The following ARHGAP15 variants were observed in gnomAD, a reference collection of about 807,000 sequenced individuals.
ARHGAP15 encodes the protein Rho GTPase activating protein 15.
Under a neutral mutation model 63.7 loss-of-function variants are expected in ARHGAP15, and 51 were observed. That is an observed-to-expected ratio of 0.80 (90% CI 0.64 to 1.01). The LOEUF is 1.01. Among genes scored for constraint, ARHGAP15 ranks in the 50% least tolerant of loss-of-function variants. ARHGAP15 has a pLI of 0.00. For synonymous variants in ARHGAP15, 191 were observed against 193.8 expected (o/e 0.99, Z 0.12); for missense variants, 560 against 564.6 (o/e 0.99, Z 0.08).
At chr2:143,154,273 A>G (rs894030467) in intron 1 of ARHGAP15, among the ~76,000 whole-genome samples, 1 of 151,852 alleles carries the variant, frequency 6.6e-6, no homozygotes, top group Admixed American at 6.6e-5. Flanking sequence ...CTAATTTGTC[A>G]TTTAATTGCC....
intron 6 of ARHGAP15, among the ~76,000 whole-genome samples, chr2:143,395,260 A>C (rs1687709180): frequency 6.6e-6 from 1 of 152,096 alleles, no homozygotes; most frequent in South Asian, 2.1e-4. Context: ...AATTGAGTAG[A>C]TATTCAACAA....
intron 5 of ARHGAP15, among the ~76,000 whole-genome samples, chr2:143,245,751 G>T (rs1694025824): frequency 1.3e-5 from 2 of 152,168 alleles, no homozygotes; most frequent in Non-Finnish European, 2.9e-5. Flanking sequence ...GACAAGACTG[G>T]ATGAAATTAG....
chr2:143,374,223 C>T (rs1332648266), intron 6 of ARHGAP15, among the ~76,000 whole-genome samples: 3 of 152,014 alleles, frequency 2.0e-5, no homozygotes, highest in Admixed American at 6.6e-5. Context: ...TTATTCAGTT[C>T]CTAGTTTTAA....
chr2:143,738,102 A>T (rs1350383061), intron 13 of ARHGAP15, among the ~76,000 whole-genome samples: 2 of 150,748 alleles, frequency 1.3e-5, no homozygotes, highest in African/African-American at 5.0e-5. Context: ...GCATATATAT[A>T]TTTTTTAACT....
intron 1 of ARHGAP15, among the ~76,000 whole-genome samples, chr2:143,136,031 AT>A (rs1689120239): frequency 6.6e-6 from 1 of 152,002 alleles, no homozygotes. Flanking sequence ...CTCAAAGCAA[AT>A]CTCCTAATTA....
intron 6 of ARHGAP15, among the ~76,000 whole-genome samples, chr2:143,410,665 TG>T (rs149676369): frequency 0.03 from 4,523 of 152,034 alleles, 229 homozygotes; most frequent in African/African-American, 0.1. Context: ...AGACTGGAAA[TG>T]GGCAGAAAAA....
intron 10 of ARHGAP15, among the ~76,000 whole-genome samples, chr2:143,534,780 G>T (rs536883760): frequency 6.6e-6 from 1 of 152,042 alleles, no homozygotes; most frequent in African/African-American, 2.4e-5. Flanking sequence ...CTACTTGAGA[G>T]CCTGAGGTGG....
intron 5 of ARHGAP15, among the ~76,000 whole-genome samples, chr2:143,242,565 A>C (rs35589335): frequency 6.6e-6 from 1 of 152,168 alleles, no homozygotes; most frequent in African/African-American, 2.4e-5. Context: ...CAAAAAGCAC[A>C]TAACATTCTA....
At chr2:143,415,409 A>G (rs1688632090) in intron 6 of ARHGAP15, among the ~76,000 whole-genome samples, 1 of 152,162 alleles carries the variant, frequency 6.6e-6, no homozygotes, top group Non-Finnish European at 1.5e-5. Flanking sequence ...CAAGGAGGGA[A>G]AATATAAGAC....
chr2:143,677,549 T>TATC (rs1188931311), intron 12 of ARHGAP15, among the ~76,000 whole-genome samples: 1 of 152,234 alleles, frequency 6.6e-6, no homozygotes, highest in Non-Finnish European at 1.5e-5. Context: ...CTCTGCTCAC[T>TATC]ATCTCTGCCA....
chr2:143,635,194 CTTTTTTTTTTTTTTTTT>C (rs10558886), intron 12 of ARHGAP15, among the ~76,000 whole-genome samples: 3 of 26,888 alleles, frequency 1.1e-4, no homozygotes, highest in Non-Finnish European at 1.8e-4. Context: ...CTCTCAGGAG[CTTTTTTTTTTTTTTTTT>C]TTTTTTTTTT....
intron 6 of ARHGAP15, among the ~76,000 whole-genome samples, chr2:143,407,387 T>C (rs1454311886): frequency 6.6e-6 from 1 of 151,910 alleles, no homozygotes; most frequent in Non-Finnish European, 1.5e-5. Flanking sequence ...AGTCATCATT[T>C]CCTTTCCTAT....
At chr2:143,620,239 T>C (rs1226563270) in intron 11 of ARHGAP15, among the ~76,000 whole-genome samples, 1 of 152,196 alleles carries the variant, frequency 6.6e-6, no homozygotes, top group Non-Finnish European at 1.5e-5. Flanking sequence ...TACAATGAAT[T>C]AGTGGTAAAT....
chr2:143,648,545 G>A (rs1401059877), intron 12 of ARHGAP15, among the ~76,000 whole-genome samples: 1 of 151,960 alleles, frequency 6.6e-6, no homozygotes, highest in Non-Finnish European at 1.5e-5. Context: ...GACTGTTCAT[G>A]TCTACTAAAT....
At chr2:143,733,105 A>T (rs543240137) in intron 13 of ARHGAP15, among the ~76,000 whole-genome samples, 1 of 152,266 alleles carries the variant, frequency 6.6e-6, no homozygotes, top group South Asian at 2.1e-4. Flanking sequence ...AGGAGCAGTA[A>T]TGTTGAGGCA....
intron 6 of ARHGAP15, among the ~76,000 whole-genome samples, chr2:143,292,641 G>T (rs1303644253): frequency 6.6e-6 from 1 of 151,488 alleles, no homozygotes; most frequent in Non-Finnish European, 1.5e-5. Context: ...ATAATAGAAA[G>T]GTTGATTTTT....
At chr2:143,533,350 C>A (rs892581039) in intron 10 of ARHGAP15, 5 of 152,158 alleles carry the variant, frequency 3.3e-5, no homozygotes, top group Non-Finnish European at 7.3e-5. Context: ...AATACGGGAA[C>A]TGAAGGAGAA....
At chr2:143,446,135 AAATAT>A (rs1262266226) in intron 8 of ARHGAP15, among the ~76,000 whole-genome samples, 4 of 148,924 alleles carry the variant, frequency 2.7e-5, no homozygotes, top group Admixed American at 1.3e-4. Context: ...GTTTCCAGAT[AAATAT>A]AATATATATT....
intron 11 of ARHGAP15, among the ~76,000 whole-genome samples, chr2:143,620,418 C>A (rs773209867): frequency 6.6e-6 from 1 of 152,162 alleles, no homozygotes; most frequent in Non-Finnish European, 1.5e-5. Flanking sequence ...GTGCCTTCTA[C>A]AAGTCTGTAA....
Sources: gnomAD v4.1 joint callset for allele counts (sites outside exome capture counted in the v4.1 genomes callset) on GRCh38, gnomAD v4.1.1 for gene constraint, MANE v1.5 for transcripts, NCBI Gene and HGNC (gene_info 2026-07-23, HGNC 2026-07-21) for gene names.